Variants in CACNA2D3 observed in about 807,000 individuals in gnomAD.
The protein encoded by CACNA2D3 is voltage-dependent calcium channel subunit alpha-2/delta-3.
A neutral mutation model predicts 160.6 loss-of-function variants in CACNA2D3; 60 were observed. That is an observed-to-expected ratio of 0.37 (90% CI 0.30 to 0.46). The LOEUF is 0.46. CACNA2D3 is among the 20% of genes least tolerant of loss of function. The probability of loss-of-function intolerance (pLI) is 1.00; values close to 1 mark genes in which losing one functional copy is unlikely to be tolerated. For missense variants in CACNA2D3, 1,205 were observed against 1,365.0 expected (o/e 0.88, Z 1.85); for synonymous variants, 558 against 492.9 (o/e 1.13, Z -1.75).
At chr3:55,007,334 G>A (rs1703120153) in intron 32 of CACNA2D3, among the ~76,000 whole-genome samples, 1 of 152,194 alleles carries the variant, frequency 6.6e-6, no homozygotes, top group Non-Finnish European at 1.5e-5. Flanking sequence ...TTAAAATCAG[G>A]TGTATGCAAT....
At chr3:54,925,984 A>G (rs1403993819) in intron 27 of CACNA2D3, among the ~76,000 whole-genome samples, 2 of 152,200 alleles carry the variant, frequency 1.3e-5, no homozygotes, top group Admixed American at 6.5e-5. Context: ...CATTTTCTAT[A>G]ATAGTTCTGC....
chr3:54,218,064 A>G (rs925592762), intron 2 of CACNA2D3, among the ~76,000 whole-genome samples: 3 of 152,048 alleles, frequency 2.0e-5, no homozygotes, highest in Non-Finnish European at 1.5e-5. Flanking sequence ...AGAGAGGTGC[A>G]TTAGAGAGAG....
intron 11 of CACNA2D3, among the ~76,000 whole-genome samples, chr3:54,727,833 A>C (rs958787799): frequency 2.0e-5 from 3 of 152,082 alleles, no homozygotes; most frequent in Admixed American, 2.0e-4. Flanking sequence ...GGTGTAGCAA[A>C]CTACCATGAC....
intron 11 of CACNA2D3, among the ~76,000 whole-genome samples, chr3:54,751,456 T>C (rs1701855362): frequency 6.9e-6 from 1 of 145,070 alleles, no homozygotes; most frequent in Admixed American, 6.7e-5. Context: ...TAAGCGTTTT[T>C]TGTGTTTTTT....
intron 13 of CACNA2D3, among the ~76,000 whole-genome samples, chr3:54,779,786 C>A (rs559625957): frequency 6.6e-6 from 1 of 152,182 alleles, no homozygotes; most frequent in African/African-American, 2.4e-5. Context: ...CATCTCAGGT[C>A]CCCTATAGGT....
chr3:54,918,834 G>A (rs1449382395), intron 27 of CACNA2D3: 1 of 1,596,400 alleles, frequency 6.3e-7, no homozygotes, highest in Admixed American at 1.7e-5. Context: ...GGATCCTAAG[G>A]AGGTCCTTTC....
chr3:54,846,372 C>T, intron 16 of CACNA2D3, 21 bp from the exon 17 acceptor site: 1 of 1,556,524 alleles, frequency 6.4e-7, no homozygotes, highest in Non-Finnish European at 8.8e-7. Flanking sequence ...ATGAAGGTTT[C>T]TTTCTTGCTT....
Position 54,334,288 on chromosome 3 carries a change from T to C in CACNA2D3, c.321+13730T>C, listed in dbSNP as rs59922903. 4.6e-3 allele frequency among the ~76,000 whole-genome samples: 701 copies of C among 152,256 alleles called. 19 individuals carry two copies. The East Asian group carries it at 0.083, about 18-fold the overall frequency. Reference sequence around the variant, plus strand: ...TTTCAGTAGAGACGGGGTTTCACCATGTTGGCCAGGCTGGTCTTGACTCCT... The same window carrying C: ...TTTCAGTAGAGACGGGGTTTCACCACGTTGGCCAGGCTGGTCTTGACTCCT... On this transcript the variant is annotated intron_variant, in intron 3 of 37. Transcript: ENST00000474759.
intron 11 of CACNA2D3, among the ~76,000 whole-genome samples, chr3:54,729,216 C>G (rs1701336811): frequency 6.6e-6 from 1 of 152,170 alleles, no homozygotes; most frequent in African/African-American, 2.4e-5. Flanking sequence ...CCACTGCACC[C>G]AGCCTCATAT....
At chr3:54,931,476 G>A (rs1344269461) in intron 27 of CACNA2D3, among the ~76,000 whole-genome samples, 2 of 152,142 alleles carry the variant, frequency 1.3e-5, no homozygotes, top group Non-Finnish European at 2.9e-5. Flanking sequence ...CCCGTGGTGA[G>A]CAGATCCAAG....
intron 32 of CACNA2D3, among the ~76,000 whole-genome samples, chr3:55,007,404 A>G (rs1286756508): frequency 6.6e-6 from 1 of 152,212 alleles, no homozygotes; most frequent in Non-Finnish European, 1.5e-5. Flanking sequence ...CCTTTCCAAG[A>G]GGCTGCCCTG....
intron 2 of CACNA2D3, among the ~76,000 whole-genome samples, chr3:54,144,931 CA>C (rs1699998006): frequency 6.6e-6 from 1 of 152,144 alleles, no homozygotes. Flanking sequence ...CTGTTTTTAA[CA>C]GAATTTAAAG....
intron 4 of CACNA2D3, among the ~76,000 whole-genome samples, chr3:54,407,293 G>A (rs1179381022): frequency 6.6e-6 from 1 of 152,044 alleles, no homozygotes; most frequent in Non-Finnish European, 1.5e-5. Context: ...AACAAAATAG[G>A]GGTCACATCT....
intron 13 of CACNA2D3, among the ~76,000 whole-genome samples, chr3:54,810,805 C>A (rs372489007): frequency 8.2e-4 from 125 of 152,282 alleles, no homozygotes; most frequent in African/African-American, 2.8e-3. Flanking sequence ...TCAATCACCC[C>A]CATGGGTCTG....
intron 4 of CACNA2D3, among the ~76,000 whole-genome samples, chr3:54,407,550 G>A (rs1699598798): frequency 6.6e-6 from 1 of 152,110 alleles, no homozygotes; most frequent in Admixed American, 6.5e-5. Flanking sequence ...ATCCTTAAGT[G>A]TGATAATTTA....
intron 2 of CACNA2D3, among the ~76,000 whole-genome samples, chr3:54,136,636 C>T (rs751494759): frequency 3.9e-5 from 6 of 152,360 alleles, no homozygotes; most frequent in South Asian, 2.1e-4. Context: ...TGCACACATC[C>T]GGCTGTGTCA....
At chr3:54,739,453 AC>A (rs1161673959) in intron 11 of CACNA2D3, among the ~76,000 whole-genome samples, 7 of 143,082 alleles carry the variant, frequency 4.9e-5, no homozygotes, top group Admixed American at 2.7e-4. Flanking sequence ...AAAAAAAAAA[AC>A]CACACACACA....
At chr3:54,237,439 T>C (rs923165750) in intron 2 of CACNA2D3, among the ~76,000 whole-genome samples, 1 of 152,204 alleles carries the variant, frequency 6.6e-6, no homozygotes. Context: ...AAATTAGTAT[T>C]GTGTATTTCC....
At position 54,749,568 on chromosome 3, in the gene CACNA2D3, A is replaced by C. The variant is rs185248157; in HGVS notation, c.1168-3031A>C. Among the ~76,000 whole-genome samples, 789 of 152,314 alleles carry C rather than the reference A, an allele frequency of 5.2e-3. 4 individuals carry two copies. The highest frequency in any genetic ancestry group is 0.011 in the South Asian group (54 of 4,828). On this transcript the variant is annotated intron_variant, in intron 11 of 37. Transcript: ENST00000474759. ...GGTGGAATTACTGTGTGAAAAAAAA[A>C]CCTGCAAATATAAAATGCTATTATT...
Sources: allele counts gnomAD v4.1 joint callset (sites outside exome capture counted in the v4.1 genomes callset), GRCh38; gene constraint gnomAD v4.1.1; transcripts MANE v1.5; gene names NCBI Gene and HGNC (gene_info 2026-07-23, HGNC 2026-07-21).